CNTNAP2: variants seen among roughly 807,000 people sequenced by gnomAD.
CNTNAP2 encodes contactin-associated protein-like 2.
In CNTNAP2, 98 loss-of-function variants were observed where a neutral mutation model predicts 155.2. The observed-to-expected ratio is 0.63, with a 90% CI of 0.54 to 0.75. The LOEUF (loss-of-function observed/expected upper bound fraction) is 0.75, where lower values mean the gene tolerates loss of function less well. Among genes scored for constraint, CNTNAP2 ranks in the 30% least tolerant of loss-of-function variants. CNTNAP2 has a pLI of 0.00. For missense variants in CNTNAP2, 1,727 were observed against 1,688.1 expected (o/e 1.02, Z -0.40); for synonymous variants, 651 against 631.2 (o/e 1.03, Z -0.47).
At chr7:147,654,273 A>G (rs1365229015) in intron 13 of CNTNAP2, among the ~76,000 whole-genome samples, 8 of 152,240 alleles carry the variant, frequency 5.3e-5, no homozygotes, top group Admixed American at 5.2e-4. Context: ...AAAAAATTAT[A>G]ATATACTTTT....
At position 146,793,238 on chromosome 7, in the gene CNTNAP2, G is replaced by A. The variant is rs559217645; in HGVS notation, c.208+18857G>A. 2.6e-5 allele frequency among the ~76,000 whole-genome samples: 4 copies of A among 152,152 alleles called. No homozygotes were observed. In the East Asian group the frequency reaches 5.8e-4, roughly 22 times the overall value. On this transcript the variant is annotated intron_variant, in intron 2 of 23. Transcript: ENST00000361727. ...ATGGTTTAAACACTGGACTCACATA[G>A]CCAAATTGCTCCCAAAATATCTAAA...
At chr7:146,931,151 C>A (rs1334819837) in intron 3 of CNTNAP2, among the ~76,000 whole-genome samples, 1 of 151,290 alleles carries the variant, frequency 6.6e-6, no homozygotes, top group Non-Finnish European at 1.5e-5. Flanking sequence ...CAGCACCACA[C>A]CACACCTATT....
intron 3 of CNTNAP2, among the ~76,000 whole-genome samples, chr7:146,996,583 G>A (rs982508106): frequency 6.6e-6 from 1 of 152,030 alleles, no homozygotes; most frequent in East Asian, 1.9e-4. Flanking sequence ...TTTAATAAAT[G>A]TGTTTGTTAG....
intron 4 of CNTNAP2, among the ~76,000 whole-genome samples, chr7:147,054,146 G>A (rs1799519122): frequency 6.6e-6 from 1 of 152,016 alleles, no homozygotes; most frequent in South Asian, 2.1e-4. Flanking sequence ...CTTAGTGATG[G>A]CCTACAGAAA....
At chr7:147,291,318 C>T (rs968681674) in intron 8 of CNTNAP2, among the ~76,000 whole-genome samples, 1 of 152,112 alleles carries the variant, frequency 6.6e-6, no homozygotes, top group South Asian at 2.1e-4. Flanking sequence ...TCTCCCTCCC[C>T]TTTCCCCTCA....
At chr7:146,589,620 G>T (rs1314188603) in intron 1 of CNTNAP2, among the ~76,000 whole-genome samples, 1 of 151,982 alleles carries the variant, frequency 6.6e-6, no homozygotes, top group African/African-American at 2.4e-5. Flanking sequence ...ATAGGGGAGG[G>T]ATAGTATTAG....
intron 2 of CNTNAP2, among the ~76,000 whole-genome samples, chr7:146,834,807 C>T (rs1017873729): frequency 2.0e-5 from 3 of 152,048 alleles, no homozygotes; most frequent in Non-Finnish European, 4.4e-5. Context: ...ACTTTTTTGC[C>T]CTCTTATATA....
intron 21 of CNTNAP2, among the ~76,000 whole-genome samples, chr7:148,344,989 C>G (rs866348157): frequency 6.6e-6 from 1 of 152,284 alleles, no homozygotes. Context: ...ACACAGTCCC[C>G]GAGTGGTGGA....
At chr7:147,122,851 A>T (rs1297983389) in intron 6 of CNTNAP2, 1 of 152,148 alleles carries the variant, frequency 6.6e-6, no homozygotes, top group East Asian at 1.9e-4. Flanking sequence ...AGATGTATTC[A>T]TATATATATG....
At chr7:147,608,898 G>A (rs575884989) in intron 12 of CNTNAP2, among the ~76,000 whole-genome samples, 3 of 152,282 alleles carry the variant, frequency 2.0e-5, no homozygotes, top group Admixed American at 2.0e-4. Context: ...TTCTCTGGCA[G>A]GCAGGGGCGG....
rs935472122 is a variant in CNTNAP2 at position 146,773,740 on chromosome 7, A to G, written c.98-531A>G. The stretch of plus-strand genomic sequence containing the variant: ...AACATGTAACATGAGATCTGCCTTG[A>G]TAAGTGTGCAATATCATCTAGAGGT... On this transcript the variant is annotated intron_variant, in intron 1 of 23. Transcript: ENST00000361727. Among the ~76,000 whole-genome samples the G allele has an allele frequency of 2.6e-5, 4 of 152,328 alleles. No homozygotes were observed. In the East Asian group the frequency reaches 5.8e-4, roughly 22 times the overall value.
At chr7:147,349,510 T>C (rs1795933620) in intron 9 of CNTNAP2, among the ~76,000 whole-genome samples, 1 of 151,892 alleles carries the variant, frequency 6.6e-6, no homozygotes, top group Non-Finnish European at 1.5e-5. Flanking sequence ...TTTATGACAC[T>C]TGGATTCCAT....
intron 1 of CNTNAP2, among the ~76,000 whole-genome samples, chr7:146,424,667 T>C (rs1304618504): frequency 4.6e-5 from 7 of 151,458 alleles, no homozygotes; most frequent in Non-Finnish European, 1.0e-4. Flanking sequence ...TAGGGAACTA[T>C]TTACCCTTCA....
At chr7:147,869,822 T>C (rs1236307950) in intron 13 of CNTNAP2, among the ~76,000 whole-genome samples, 2 of 152,232 alleles carry the variant, frequency 1.3e-5, no homozygotes, top group Non-Finnish European at 2.9e-5. Flanking sequence ...CTCAATTTCA[T>C]ATCAACTTAC....
At chr7:147,195,560 T>G (rs904419901) in intron 8 of CNTNAP2, among the ~76,000 whole-genome samples, 1 of 152,184 alleles carries the variant, frequency 6.6e-6, no homozygotes, top group Non-Finnish European at 1.5e-5. Flanking sequence ...GCATGGAATG[T>G]TTTTCCATTT....
intron 18 of CNTNAP2, among the ~76,000 whole-genome samples, chr7:148,182,043 C>G (rs1795047618): frequency 6.6e-6 from 1 of 150,636 alleles, no homozygotes; most frequent in African/African-American, 2.4e-5. Context: ...AGGCGTGAGC[C>G]ACCGCGCCTG....
chr7:146,317,350 GA>G (rs1189315442), intron 1 of CNTNAP2, among the ~76,000 whole-genome samples: 2 of 152,136 alleles, frequency 1.3e-5, no homozygotes, highest in Non-Finnish European at 2.9e-5. Context: ...CCATCTTTCT[GA>G]GAATCTTTGT....
intron 1 of CNTNAP2, among the ~76,000 whole-genome samples, chr7:146,323,047 T>C (rs909278689): frequency 1.3e-5 from 2 of 152,046 alleles, no homozygotes; most frequent in Non-Finnish European, 2.9e-5. Flanking sequence ...TTATTTCTAA[T>C]GTGTATGGGG....
At chr7:147,471,773 A>T (rs1798219564) in intron 10 of CNTNAP2, among the ~76,000 whole-genome samples, 1 of 152,218 alleles carries the variant, frequency 6.6e-6, no homozygotes, top group South Asian at 2.1e-4. Flanking sequence ...CCCTACTCTC[A>T]TGGAAATTAC....
Sources: allele counts gnomAD v4.1 joint callset (sites outside exome capture counted in the v4.1 genomes callset), GRCh38; gene constraint gnomAD v4.1.1; transcripts MANE v1.5; gene names NCBI Gene and HGNC (gene_info 2026-07-23, HGNC 2026-07-21).